The following DNMT3L variants were observed in gnomAD, a reference collection of about 807,000 sequenced individuals.
DNMT3L encodes the protein DNA (cytosine-5)-methyltransferase 3-like.
DNMT3L carries 33 observed loss-of-function variants against 36.2 expected under a neutral mutation model. That is an observed-to-expected ratio of 0.91 (90% CI 0.69 to 1.22). The LOEUF (loss-of-function observed/expected upper bound fraction) is 1.22. DNMT3L is among the 50% of genes most tolerant of loss of function. The probability of loss-of-function intolerance (pLI) is 0.00; values close to 1 mark genes in which losing one functional copy is unlikely to be tolerated. For synonymous variants in DNMT3L, 117 were observed against 121.7 expected (o/e 0.96, Z 0.26); for missense variants, 310 against 303.1 (o/e 1.02, Z -0.17).
At chr21:44,255,622 G>T (rs2146355557) in intron 7 of DNMT3L, among the ~76,000 whole-genome samples, 1 of 152,342 alleles carries the variant, frequency 6.6e-6, no homozygotes, top group East Asian at 1.9e-4. Context: ...TGCAGCTGGT[G>T]TGAGCTGCAG....
At position 44,258,717 on chromosome 21, in the gene DNMT3L, A is replaced by G; in HGVS notation, c.345-23T>C. On this transcript the variant is annotated intron_variant, in intron 5 of 11. Transcript: ENST00000628202. The surrounding 1 kb of genome is among the most constrained non-coding windows in gnomAD (Gnocchi z 6.2). ...CATCTAAGGCCAGACAGAAAACCAC[A>G]GCAGCGGACATGACAGCCCACCTCT... 6.2e-7 allele frequency: 1 copy of G among 1,607,448 alleles called. No homozygotes were observed. The highest frequency in any genetic ancestry group is 8.5e-7 in the Non-Finnish European group (1 of 1,176,084).
intron 7 of DNMT3L, 75 bp from the exon 8 acceptor site, chr21:44,254,780 C>A: frequency 1.4e-6 from 2 of 1,476,012 alleles, no homozygotes; most frequent in South Asian, 1.2e-5. Context: ...AAAAGGCTGA[C>A]GGACGATCAG....
chr21:44,255,347 C>A (rs1480675201), intron 7 of DNMT3L, among the ~76,000 whole-genome samples: 1 of 151,826 alleles, frequency 6.6e-6, no homozygotes, highest in Non-Finnish European at 1.5e-5. Flanking sequence ...ATGGTGAAAC[C>A]CTGTCTCTAC....
chr21:44,260,117 G>A (rs1801179312), intron 3 of DNMT3L, among the ~76,000 whole-genome samples: 1 of 151,308 alleles, frequency 6.6e-6, no homozygotes, highest in Admixed American at 6.6e-5. Flanking sequence ...CCCAAATGGA[G>A]CTGCAGAGCC....
At chr21:44,255,974 G>C in intron 7 of DNMT3L, 93 bp downstream of exon 7, 2 of 1,324,898 alleles carry the variant, frequency 1.5e-6, no homozygotes, top group South Asian at 2.5e-5. Context: ...CGGTCTAGGG[G>C]AGGGGGTGGG....
At chr21:44,257,033 C>T (rs1463367389) in intron 6 of DNMT3L, among the ~76,000 whole-genome samples, 8 of 152,168 alleles carry the variant, frequency 5.3e-5, no homozygotes, top group Middle Eastern at 3.2e-3. Context: ...GCTGCCTCAC[C>T]GGGGGCCACA....
In DNMT3L at chr21:44,258,795, C is replaced by A; in HGVS notation, c.345-101G>T. The A allele has an allele frequency of 6.9e-7, 1 of 1,454,870 alleles. No individual in the cohort carries two copies. Among genetic ancestry groups the A allele is most frequent in the South Asian group, 1.4e-5 (1 of 73,096 alleles). 90.1% of individuals were successfully genotyped at this position (1,454,870 alleles called of 1,614,324 possible). On this transcript the variant is annotated intron_variant, in intron 5 of 11. Transcript: ENST00000628202. This position sits in a 1 kb window ranked among gnomAD's most constrained non-coding sequence, Gnocchi z 6.2. ...TGAGCCTTGTTTTGGAGGGAAAAGTCACGCTGGAGCTCCCTTTGGGAAGAC... is the reference window on the plus strand; with the variant it reads ...TGAGCCTTGTTTTGGAGGGAAAAGTAACGCTGGAGCTCCCTTTGGGAAGAC...
chr21:44,256,013 T>A, intron 7 of DNMT3L, 54 bp downstream of exon 7: 6 of 1,591,236 alleles, frequency 3.8e-6, no homozygotes, highest in Non-Finnish European at 5.2e-6. Flanking sequence ...TGAGGGGCAG[T>A]CAGGTGTTTA....
At chr21:44,256,008 G>A (rs969641261) in intron 7 of DNMT3L, 59 bp downstream of exon 7, 1 of 1,579,802 alleles carries the variant, frequency 6.3e-7, no homozygotes, top group African/African-American at 1.3e-5. Context: ...TGGCCTGAGG[G>A]GCAGTCAGGT....
chr21:44,256,301 G>T, intron 6 of DNMT3L, 147 bp from the exon 7 acceptor site: 1 of 813,988 alleles, frequency 1.2e-6, no homozygotes, highest in Non-Finnish European at 2.0e-6. Flanking sequence ...GGCTGACTGG[G>T]CCTGTCCTGA....
At position 44,258,878 on chromosome 21, in the gene DNMT3L, G is replaced by A. The variant is rs2040288872; in HGVS notation, c.345-184C>T. On this transcript the variant is annotated intron_variant, in intron 5 of 11. Coordinates refer to ENST00000628202, the MANE Select transcript of DNMT3L (RefSeq NM_175867.3). This position sits in a 1 kb window ranked among gnomAD's most constrained non-coding sequence, Gnocchi z 6.2. ...TTCCTAGAGACGCAGAGTGACAGGA[G>A]CCGAGCCAGGTGCAGAAGACAGGGA... Among the ~76,000 whole-genome samples, 1 of 152,152 alleles carries A rather than the reference G, an allele frequency of 6.6e-6. No homozygotes were observed.
chr21:44,260,883 T>G (rs1216039028), intron 2 of DNMT3L, 44 bp from the exon 3 acceptor site: 1 of 1,612,366 alleles, frequency 6.2e-7, no homozygotes, highest in East Asian at 2.2e-5. Flanking sequence ...CTTCCTCTGA[T>G]CTCTTAATTT....
intron 6 of DNMT3L, among the ~76,000 whole-genome samples, chr21:44,257,281 G>C (rs1206355570): frequency 1.3e-5 from 2 of 152,226 alleles, no homozygotes; most frequent in Non-Finnish European, 2.9e-5. Context: ...CAGGAGGCAG[G>C]AAGGAGAATC....
chr21:44,257,016 C>T (rs1205623319), intron 6 of DNMT3L, among the ~76,000 whole-genome samples: 3 of 152,226 alleles, frequency 2.0e-5, no homozygotes, highest in Non-Finnish European at 2.9e-5. Flanking sequence ...TCCCTTGCTC[C>T]CCGCTGGCTG....
At position 44,259,520 on chromosome 21, in the gene DNMT3L, G is replaced by T. The variant is rs377755717; in HGVS notation, c.261C>A (p.Tyr87Ter). ...KDKFLDALFL[Y>*]DDDGYQSYCS... ...AGTAGGATTGGTACCCGTCATCGTCGTACAGGAAGAGGGCATCCAGGAACT... is the reference window on the plus strand; with the variant it reads ...AGTAGGATTGGTACCCGTCATCGTCTTACAGGAAGAGGGCATCCAGGAACT... Residue 87 changes from tyrosine to a stop codon, truncating the protein, a stop_gained, in exon 5 of 12, where the codon TAC becomes TAA. Transcript: ENST00000628202. LOFTEE classifies it high-confidence loss of function. 17 of 1,613,602 alleles carry T rather than the reference G, an allele frequency of 1.1e-5. No homozygotes were observed. Among genetic ancestry groups the T allele is most frequent in the Non-Finnish European group, 1.4e-5 (16 of 1,180,022 alleles).
At chr21:44,257,034 G>A (rs926613948) in intron 6 of DNMT3L, among the ~76,000 whole-genome samples, 2 of 152,198 alleles carry the variant, frequency 1.3e-5, no homozygotes, top group East Asian at 1.9e-4. Flanking sequence ...CTGCCTCACC[G>A]GGGGCCACAC....
intron 6 of DNMT3L, among the ~76,000 whole-genome samples, chr21:44,257,448 G>A (rs1481700908): frequency 1.3e-5 from 2 of 151,990 alleles, no homozygotes; most frequent in Non-Finnish European, 2.9e-5. Flanking sequence ...TTGGGAGGCC[G>A]AGGCGGGCGG....
In DNMT3L at chr21:44,261,182, T is replaced by C; in HGVS notation, c.78A>G (p.Ser26=). Residue 26 remains serine (S), a synonymous_variant, in exon 2 of 12, where the codon TCA becomes TCG. Coordinates refer to ENST00000628202, the MANE Select transcript of DNMT3L (RefSeq NM_175867.3). ...TGCCTGTCCCGGGTGAAACGGAGCT[T>C]GAGAGCTCACTGGATCCCACCAAAA... ...DVILVGSSEL[S]SSVSPGTGRD... is the part of the protein sequence containing the mutation. 6.8e-6 allele frequency: 11 copies of C among 1,612,626 alleles called. No homozygotes were observed. The highest frequency in any genetic ancestry group is 9.3e-6 in the Non-Finnish European group (11 of 1,179,872).
chr21:44,261,239 C>T lies in DNMT3L; in HGVS notation c.21G>A (p.Leu7=), dbSNP rs373372632. The part of the protein sequence containing the change: MAAIPA[L]DPEAEPSMDV... ...CCATGCTGGGCTCGGCCTCTGGGTCCAGGGCTGGGATGGCCGCCATGGGGA... is the reference window on the plus strand; with the variant it reads ...CCATGCTGGGCTCGGCCTCTGGGTCTAGGGCTGGGATGGCCGCCATGGGGA... The change falls in exon 2 of 12, where the codon CTG becomes CTA. Residue 7 remains leucine (L), a synonymous_variant. Coordinates refer to ENST00000628202, the MANE Select transcript of DNMT3L (RefSeq NM_175867.3). 2.5e-6 allele frequency: 4 copies of T among 1,612,502 alleles called. No individual in the cohort carries two copies. Among genetic ancestry groups the T allele is most frequent in the African/African-American group, 2.7e-5 (2 of 74,926 alleles).
Sources: allele counts gnomAD v4.1 joint callset (sites outside exome capture counted in the v4.1 genomes callset), GRCh38; gene constraint gnomAD v4.1.1; non-coding constraint Gnocchi (gnomAD v3.1); transcripts MANE v1.5; gene names NCBI Gene and HGNC (gene_info 2026-07-23, HGNC 2026-07-21).